DLG2: variants seen among roughly 807,000 people sequenced by gnomAD.
DLG2 encodes the protein discs large MAGUK scaffold protein 2.
Under a neutral mutation model 132.5 loss-of-function variants are expected in DLG2, and 45 were observed. The ratio of observed to expected loss-of-function variants is 0.34; its 90% confidence interval spans 0.27 to 0.44. The LOEUF (loss-of-function observed/expected upper bound fraction) is 0.44. Ranked by LOEUF, DLG2 falls within the 20% of genes least tolerant of loss-of-function variation. The probability of loss-of-function intolerance (pLI) is 1.00; values close to 1 mark genes in which losing one functional copy is unlikely to be tolerated. For synonymous variants in DLG2, 424 were observed against 419.6 expected (o/e 1.01, Z -0.13); for missense variants, 1,045 against 1,196.9 (o/e 0.87, Z 1.87).
chr11:83,633,444 T>A (rs1223771572), intron 18 of DLG2, 119 bp from the exon 19 acceptor site: 1 of 731,674 alleles, frequency 1.4e-6, no homozygotes, highest in Non-Finnish European at 2.5e-6. Flanking sequence ...AATGGGGAGA[T>A]GTGCAACTCA....
At chr11:83,606,050 G>A (rs2059291679) in intron 19 of DLG2, among the ~76,000 whole-genome samples, 1 of 152,158 alleles carries the variant, frequency 6.6e-6, no homozygotes, top group South Asian at 2.1e-4. Flanking sequence ...ATTCCACAGA[G>A]TCATCGGTGA....
intron 16 of DLG2, among the ~76,000 whole-genome samples, chr11:83,861,649 T>C (rs1262870773): frequency 6.6e-6 from 1 of 152,146 alleles, no homozygotes; most frequent in African/African-American, 2.4e-5. Context: ...TTCTCACTTA[T>C]TCGTGGAATC....
At chr11:84,193,209 C>T (rs2154292562) in intron 8 of DLG2, among the ~76,000 whole-genome samples, 1 of 152,274 alleles carries the variant, frequency 6.6e-6, no homozygotes. Context: ...TGGCCCCGAA[C>T]TCTGGCAGGA....
At chr11:85,206,166 G>C (rs899406997) in intron 4 of DLG2, among the ~76,000 whole-genome samples, 1 of 152,090 alleles carries the variant, frequency 6.6e-6, no homozygotes, top group Non-Finnish European at 1.5e-5. Context: ...GCTATGTGAA[G>C]TGCTGGCTCC....
At chr11:84,111,583 G>C (rs984977867) in intron 9 of DLG2, among the ~76,000 whole-genome samples, 2 of 152,196 alleles carry the variant, frequency 1.3e-5, no homozygotes, top group Non-Finnish European at 2.9e-5. Context: ...GAGCTAATAA[G>C]GAAGGGTCAG....
chr11:85,183,864 A>G (rs548696455), intron 4 of DLG2, among the ~76,000 whole-genome samples: 73 of 152,096 alleles, frequency 4.8e-4, no homozygotes, highest in African/African-American at 1.5e-3. Flanking sequence ...AATGGAAGGA[A>G]AAAATAAAAA....
chr11:84,772,587 C>G (rs1355277562), intron 6 of DLG2, among the ~76,000 whole-genome samples: 1 of 152,194 alleles, frequency 6.6e-6, no homozygotes, highest in East Asian at 1.9e-4. Context: ...CAAAATCATA[C>G]TAACTATACT....
At chr11:84,166,099 C>CT (rs1400213590) in intron 8 of DLG2, among the ~76,000 whole-genome samples, 2 of 152,268 alleles carry the variant, frequency 1.3e-5, no homozygotes, top group South Asian at 2.1e-4. Context: ...GCCCTAATCT[C>CT]TATTCTCTCA....
At chr11:85,082,713 C>A (rs2067390982) in intron 6 of DLG2, among the ~76,000 whole-genome samples, 1 of 147,880 alleles carries the variant, frequency 6.8e-6, no homozygotes, top group Admixed American at 6.8e-5. Flanking sequence ...AGAAACCAAG[C>A]ACATGGTTTT....
chr11:84,161,395 C>T (rs1191106244), intron 9 of DLG2, among the ~76,000 whole-genome samples: 1 of 152,046 alleles, frequency 6.6e-6, no homozygotes, highest in Non-Finnish European at 1.5e-5. Context: ...ATGATATGAA[C>T]AGAAGGGAGG....
chr11:85,239,259 G>A (rs929199826), intron 4 of DLG2, among the ~76,000 whole-genome samples: 2 of 152,004 alleles, frequency 1.3e-5, no homozygotes, highest in Non-Finnish European at 2.9e-5. Flanking sequence ...AGCTAATTTT[G>A]TGCAGTTATG....
chr11:83,684,080 A>G (rs2079290263), intron 18 of DLG2, among the ~76,000 whole-genome samples: 1 of 152,034 alleles, frequency 6.6e-6, no homozygotes, highest in Non-Finnish European at 1.5e-5. Context: ...CATAAAAACA[A>G]TGAACTTTTA....
At chr11:84,734,449 G>C (rs1011662103) in intron 6 of DLG2, among the ~76,000 whole-genome samples, 2 of 152,048 alleles carry the variant, frequency 1.3e-5, no homozygotes, top group Admixed American at 6.6e-5. Flanking sequence ...GTCTGTTATT[G>C]GTGTATAAGA....
intron 6 of DLG2, among the ~76,000 whole-genome samples, chr11:84,595,464 A>G (rs1315069396): frequency 6.6e-6 from 1 of 151,226 alleles, no homozygotes; most frequent in African/African-American, 2.4e-5. Flanking sequence ...CTACCTCATA[A>G]AAAGGTAAAT....
intron 6 of DLG2, among the ~76,000 whole-genome samples, chr11:84,566,567 A>T (rs2099456787): frequency 6.6e-6 from 1 of 152,194 alleles, no homozygotes. Flanking sequence ...TATATAGAAG[A>T]TTTAAGCACT....
chr11:84,446,814 G>A (rs566832081), intron 7 of DLG2, among the ~76,000 whole-genome samples: 1 of 152,012 alleles, frequency 6.6e-6, no homozygotes, highest in South Asian at 2.1e-4. Flanking sequence ...TGCCCTGAAT[G>A]TCCATCAAAA....
intron 4 of DLG2, among the ~76,000 whole-genome samples, chr11:85,248,499 C>T (rs2076244126): frequency 6.6e-6 from 1 of 152,000 alleles, no homozygotes. Context: ...TCTGACCTTT[C>T]TACCTGGCCA....
intron 6 of DLG2, among the ~76,000 whole-genome samples, chr11:84,929,081 T>C (rs1418046532): frequency 3.4e-5 from 5 of 145,458 alleles, no homozygotes; most frequent in African/African-American, 1.0e-4. Context: ...AGTAAAGATA[T>C]ATCCCATTTG....
chr11:84,521,914 A>G (rs2099302702), intron 7 of DLG2, among the ~76,000 whole-genome samples: 1 of 152,218 alleles, frequency 6.6e-6, no homozygotes, highest in African/African-American at 2.4e-5. Flanking sequence ...CAATCCCAGC[A>G]CTTTGGGAGG....
Sources: allele counts gnomAD v4.1 joint callset (sites outside exome capture counted in the v4.1 genomes callset), GRCh38; gene constraint gnomAD v4.1.1; transcripts MANE v1.5; gene names NCBI Gene and HGNC (gene_info 2026-07-23, HGNC 2026-07-21).